IGSF11: variants seen among roughly 807,000 people sequenced by gnomAD.
IGSF11 encodes the protein CXADR like 1.
Under a neutral mutation model 41.0 loss-of-function variants are expected in IGSF11, and 22 were observed. That is an observed-to-expected ratio of 0.54 (90% CI 0.38 to 0.77). The LOEUF (loss-of-function observed/expected upper bound fraction) is 0.77, where lower values mean the gene tolerates loss of function less well. IGSF11 is among the 30% of genes least tolerant of loss of function. IGSF11 has a pLI of 0.00. For missense variants in IGSF11, 444 were observed against 530.8 expected (o/e 0.84, Z 1.61); for synonymous variants, 219 against 201.3 (o/e 1.09, Z -0.74).
At chr3:118,986,239 T>C (rs2107644453) in intron 1 of IGSF11, among the ~76,000 whole-genome samples, 1 of 152,220 alleles carries the variant, frequency 6.6e-6, no homozygotes, top group South Asian at 2.1e-4. Context: ...GCCCTCTACC[T>C]TACGTGCAGA....
chr3:119,123,402 C>T (rs999866892), intron 1 of IGSF11, among the ~76,000 whole-genome samples: 4 of 152,192 alleles, frequency 2.6e-5, no homozygotes, highest in African/African-American at 9.7e-5. Flanking sequence ...TCTCTGGACC[C>T]ACCTGGCACC....
chr3:119,026,316 C>G (rs1182746547), intron 1 of IGSF11, among the ~76,000 whole-genome samples: 2 of 152,112 alleles, frequency 1.3e-5, no homozygotes, highest in African/African-American at 2.4e-5. Flanking sequence ...GTTGTCTCTA[C>G]AGCAATTTCA....
In IGSF11 at chr3:118,901,779, AT is replaced by A. The variant is rs1938892589; in HGVS notation, c.*740del. The A allele has an allele frequency of 6.6e-6, 1 of 152,120 alleles. No homozygotes were observed. The highest frequency in any genetic ancestry group is 6.5e-5 in the Admixed American group (1 of 15,270). 9.4% of individuals were successfully genotyped at this position (152,120 alleles called of 1,614,324 possible). A position where few individuals can be genotyped will look rare whatever the true frequency, so the allele number is the denominator to read the frequency against. The stretch of plus-strand genomic sequence containing the variant: ...AAAAAAAAAAGCCTTTTATAAAAAA[AT>A]ATTTTTCCAGGAAAAAATAAACAGT... On this transcript the variant is annotated 3_prime_UTR_variant, in exon 7 of 7. Coordinates refer to ENST00000393775, the MANE Select transcript of IGSF11 (RefSeq NM_001015887.3).
At chr3:119,067,367 T>C (rs1022908672) in intron 1 of IGSF11, among the ~76,000 whole-genome samples, 17 of 152,204 alleles carry the variant, frequency 1.1e-4, no homozygotes, top group Admixed American at 7.9e-4. Flanking sequence ...TCTTCAGTTC[T>C]AGCAAACTGT....
At chr3:119,005,580 A>T (rs953872230) in intron 1 of IGSF11, among the ~76,000 whole-genome samples, 4 of 125,088 alleles carry the variant, frequency 3.2e-5, no homozygotes, top group Non-Finnish European at 6.3e-5. Context: ...ACATTTTGGC[A>T]TGATTTTGCA....
chr3:119,059,533 C>T (rs1941986954), intron 1 of IGSF11, among the ~76,000 whole-genome samples: 1 of 152,052 alleles, frequency 6.6e-6, no homozygotes, highest in African/African-American at 2.4e-5. Flanking sequence ...AACAAAATAC[C>T]ACGTGTTCCC....
intron 1 of IGSF11, among the ~76,000 whole-genome samples, chr3:119,051,101 C>G (rs972424895): frequency 4.6e-5 from 7 of 151,362 alleles, no homozygotes; most frequent in African/African-American, 1.5e-4. Context: ...ACATATGTAA[C>G]TAACGTGCAC....
At chr3:119,047,479 GCAC>G (rs1941410428) in intron 1 of IGSF11, among the ~76,000 whole-genome samples, 1 of 152,130 alleles carries the variant, frequency 6.6e-6, no homozygotes, top group African/African-American at 2.4e-5. Context: ...CAATACAGGA[GCAC>G]CCTGATTCAT....
chr3:118,903,006 T>C, intron 6 of IGSF11, 45 bp from the exon 7 acceptor site: 1 of 1,521,454 alleles, frequency 6.6e-7, no homozygotes, highest in Non-Finnish European at 9.1e-7. Flanking sequence ...TACTTCAAGT[T>C]AATCCTATCC....
At chr3:118,975,865 TG>T (rs1192920655) in intron 1 of IGSF11, among the ~76,000 whole-genome samples, 7 of 152,104 alleles carry the variant, frequency 4.6e-5, no homozygotes, top group Middle Eastern at 3.4e-3. Flanking sequence ...TGGGGACTAC[TG>T]GGGGGCAGGG....
intron 1 of IGSF11, among the ~76,000 whole-genome samples, chr3:119,013,568 A>G (rs1465762962): frequency 6.6e-6 from 1 of 152,238 alleles, no homozygotes; most frequent in Non-Finnish European, 1.5e-5. Flanking sequence ...AACAGTATCG[A>G]TTCTTTTGAC....
chr3:118,913,123 A>G (rs1333389105), intron 4 of IGSF11, among the ~76,000 whole-genome samples: 2 of 152,174 alleles, frequency 1.3e-5, no homozygotes, highest in African/African-American at 4.8e-5. Flanking sequence ...AAAAAAAACC[A>G]GAATGCCACA....
At chr3:119,053,604 TA>T (rs1175386141) in intron 1 of IGSF11, among the ~76,000 whole-genome samples, 1 of 152,050 alleles carries the variant, frequency 6.6e-6, no homozygotes, top group African/African-American at 2.4e-5. Context: ...AAGCAATCTA[TA>T]AAGTCAATGC....
intron 1 of IGSF11, among the ~76,000 whole-genome samples, chr3:119,127,137 AAGTT>A (rs922028314): frequency 9.9e-5 from 15 of 152,264 alleles, no homozygotes; most frequent in Admixed American, 5.9e-4. Context: ...CCTTGATAAA[AAGTT>A]AGAGGAATTG....
upstream of IGSF11, among the ~76,000 whole-genome samples, chr3:119,036,023 T>C (rs961450486): frequency 5.3e-5 from 8 of 152,224 alleles, no homozygotes; most frequent in African/African-American, 1.9e-4. Flanking sequence ...AAGATATATG[T>C]AAAATTAAAA....
intron 1 of IGSF11, among the ~76,000 whole-genome samples, chr3:118,939,572 T>C (rs1394571358): frequency 3.5e-5 from 4 of 114,926 alleles, no homozygotes; most frequent in African/African-American, 5.7e-5. Flanking sequence ...CAAGACTCCG[T>C]CTCAAAAAAA....
intron 1 of IGSF11, among the ~76,000 whole-genome samples, chr3:119,130,625 C>CA (rs1301439093): frequency 2.6e-5 from 4 of 152,232 alleles, no homozygotes; most frequent in African/African-American, 7.2e-5. Flanking sequence ...CCTCTGTGGG[C>CA]AGGGCATAAC....
chr3:119,060,820 C>A (rs1022722396), intron 1 of IGSF11, among the ~76,000 whole-genome samples: 3 of 152,096 alleles, frequency 2.0e-5, no homozygotes, highest in Non-Finnish European at 2.9e-5. Context: ...ACTAAAATAT[C>A]TTTTGTTCAG....
chr3:118,973,633 T>C (rs1294131676), intron 1 of IGSF11, among the ~76,000 whole-genome samples: 1 of 152,144 alleles, frequency 6.6e-6, no homozygotes, highest in African/African-American at 2.4e-5. Context: ...CTATGCTAAG[T>C]AATGTAAGAT....
Sources: gnomAD v4.1 joint callset for allele counts (sites outside exome capture counted in the v4.1 genomes callset) on GRCh38, gnomAD v4.1.1 for gene constraint, MANE v1.5 for transcripts, NCBI Gene and HGNC (gene_info 2026-07-23, HGNC 2026-07-21) for gene names.